KCNIP4: variants seen among roughly 807,000 people sequenced by gnomAD.
KCNIP4 encodes the protein Kv channel-interacting protein 4.
KCNIP4 carries 12 observed loss-of-function variants against 34.0 expected under a neutral mutation model. The ratio of observed to expected loss-of-function variants is 0.35; its 90% CI spans 0.23 to 0.57. KCNIP4 has a LOEUF of 0.57. KCNIP4 is among the 20% of genes least tolerant of loss of function. The pLI, the probability that KCNIP4 is intolerant of heterozygous loss-of-function variation, is 0.83. For missense variants in KCNIP4, 238 were observed against 311.7 expected (o/e 0.76, Z 1.78); for synonymous variants, 124 against 102.2 (o/e 1.21, Z -1.29).
chr4:21,563,911 C>T (rs1739645208), intron 1 of KCNIP4, among the ~76,000 whole-genome samples: 1 of 152,060 alleles, frequency 6.6e-6, no homozygotes, highest in Non-Finnish European at 1.5e-5. Context: ...ATGCATTTCA[C>T]TTCTTCAGTT....
chr4:21,800,173 C>G (rs2109251159), intron 1 of KCNIP4, among the ~76,000 whole-genome samples: 1 of 152,144 alleles, frequency 6.6e-6, no homozygotes, highest in Non-Finnish European at 1.5e-5. Flanking sequence ...TTAAAAAAAT[C>G]AAATTATCAG....
intron 1 of KCNIP4, among the ~76,000 whole-genome samples, chr4:21,112,472 T>C (rs1034571978): frequency 3.3e-5 from 5 of 152,172 alleles, no homozygotes; most frequent in African/African-American, 1.2e-4. Context: ...AGCTAAGCTT[T>C]TGTGCCATTT....
chr4:20,789,437 G>C (rs962099953), intron 3 of KCNIP4, among the ~76,000 whole-genome samples: 3 of 152,068 alleles, frequency 2.0e-5, no homozygotes, highest in African/African-American at 7.2e-5. Context: ...AAATAATATA[G>C]AAAAACAGCT....
At chr4:21,507,190 G>T (rs1272060735) in intron 1 of KCNIP4, among the ~76,000 whole-genome samples, 2 of 151,780 alleles carry the variant, frequency 1.3e-5, no homozygotes, top group African/African-American at 4.8e-5. Context: ...GAGATCCATT[G>T]TACTAGCCAC....
intron 1 of KCNIP4, among the ~76,000 whole-genome samples, chr4:21,642,343 T>C (rs1301155405): frequency 6.6e-6 from 1 of 152,044 alleles, no homozygotes; most frequent in African/African-American, 2.4e-5. Context: ...GGCCTTATCA[T>C]ATCCCCAACC....
intron 2 of KCNIP4, among the ~76,000 whole-genome samples, chr4:20,877,162 G>C (rs972173942): frequency 6.6e-6 from 1 of 152,092 alleles, no homozygotes; most frequent in Non-Finnish European, 1.5e-5. Flanking sequence ...TTATCATCTG[G>C]GCTCGCTCTT....
chr4:21,401,440 G>A (rs937083433), intron 1 of KCNIP4, among the ~76,000 whole-genome samples: 1 of 152,130 alleles, frequency 6.6e-6, no homozygotes, highest in Non-Finnish European at 1.5e-5. Flanking sequence ...ACTTCCATTT[G>A]TCTTTTTCTG....
chr4:20,747,366 C>T (rs1316737826), intron 5 of KCNIP4, among the ~76,000 whole-genome samples: 1 of 152,138 alleles, frequency 6.6e-6, no homozygotes, highest in Non-Finnish European at 1.5e-5. Flanking sequence ...TTAGGTAAAA[C>T]CTTTGGCTTC....
chr4:21,763,124 C>T (rs1372683542), intron 1 of KCNIP4: 1 of 1,284,570 alleles, frequency 7.8e-7, no homozygotes, highest in Non-Finnish European at 1.0e-6. Flanking sequence ...GTTCACCAGA[C>T]AATAATTCCT....
At chr4:20,841,991 G>A (rs1425335292) in intron 3 of KCNIP4, among the ~76,000 whole-genome samples, 1 of 151,984 alleles carries the variant, frequency 6.6e-6, no homozygotes, top group Non-Finnish European at 1.5e-5. Context: ...CCGCCCCATC[G>A]AAAGAAGCTC....
At chr4:20,766,514 C>T (rs935833799) in intron 3 of KCNIP4, among the ~76,000 whole-genome samples, 1 of 152,166 alleles carries the variant, frequency 6.6e-6, no homozygotes, top group Non-Finnish European at 1.5e-5. Flanking sequence ...TGCAGTGAGC[C>T]GAGATCACGC....
chr4:21,390,841 G>A (rs954179647), intron 1 of KCNIP4, among the ~76,000 whole-genome samples: 6 of 152,116 alleles, frequency 3.9e-5, no homozygotes, highest in Non-Finnish European at 7.4e-5. Context: ...GAGTGAAACT[G>A]CTGGGTAATA....
chr4:20,782,510 G>A (rs746891364), intron 3 of KCNIP4, among the ~76,000 whole-genome samples: 8 of 152,090 alleles, frequency 5.3e-5, no homozygotes, highest in Non-Finnish European at 1.0e-4. Context: ...TGTCTTCTGT[G>A]CAGGCTCAAC....
Position 21,514,479 on chromosome 4 carries a change from A to G in KCNIP4, c.61+434092T>C, listed in dbSNP as rs185291433. On this transcript the variant is annotated intron_variant, in intron 1 of 8. Coordinates refer to ENST00000382152, the MANE Select transcript of KCNIP4 (RefSeq NM_025221.6). ...CACACAATAAAATATAACTGCTTCA[A>G]GTAAAGTGTATGTTTCCACAGAGAA... Among the ~76,000 whole-genome samples the G allele has an allele frequency of 9.2e-5, 14 of 152,322 alleles. No homozygotes were observed. In the East Asian group the frequency reaches 2.7e-3, roughly 29 times the overall value.
At chr4:20,752,502 A>G (rs994360390) in intron 4 of KCNIP4, 2 of 152,250 alleles carry the variant, frequency 1.3e-5, no homozygotes, top group African/African-American at 4.8e-5. Flanking sequence ...CCTTAAACAC[A>G]TGTGATCAAA....
At chr4:21,558,657 T>G (rs1739272827) in intron 1 of KCNIP4, among the ~76,000 whole-genome samples, 2 of 152,050 alleles carry the variant, frequency 1.3e-5, no homozygotes, top group South Asian at 4.1e-4. Context: ...AAAATCCATG[T>G]CCAAAGGCTA....
At chr4:20,777,661 C>T (rs943835935) in intron 3 of KCNIP4, among the ~76,000 whole-genome samples, 1 of 152,036 alleles carries the variant, frequency 6.6e-6, no homozygotes, top group African/African-American at 2.4e-5. Flanking sequence ...TATAAGCCAC[C>T]CAGTTTATGG....
chr4:21,535,921 G>A (rs919062040), intron 1 of KCNIP4, among the ~76,000 whole-genome samples: 5 of 152,080 alleles, frequency 3.3e-5, no homozygotes, highest in Non-Finnish European at 7.4e-5. Flanking sequence ...AAATTTTGAA[G>A]CAGAAATCTG....
At chr4:21,366,947 A>T (rs1177054801) in intron 1 of KCNIP4, among the ~76,000 whole-genome samples, 1 of 152,148 alleles carries the variant, frequency 6.6e-6, no homozygotes, top group African/African-American at 2.4e-5. Flanking sequence ...GAGCTGAGGC[A>T]TTTAGGAGGT....
Sources: allele counts gnomAD v4.1 joint callset (sites outside exome capture counted in the v4.1 genomes callset), GRCh38; gene constraint gnomAD v4.1.1; transcripts MANE v1.5; gene names NCBI Gene and HGNC (gene_info 2026-07-23, HGNC 2026-07-21).